The following SORCS3 variants were observed in gnomAD, a reference collection of about 807,000 sequenced individuals.
The protein encoded by SORCS3 is sortilin related VPS10 domain containing receptor 3.
Under a neutral mutation model 146.3 loss-of-function variants are expected in SORCS3, and 57 were observed. The ratio of observed to expected loss-of-function variants is 0.39; its 90% CI spans 0.31 to 0.49. The LOEUF (loss-of-function observed/expected upper bound fraction) is 0.49, where lower values mean the gene tolerates loss of function less well. SORCS3 is among the 20% of genes least tolerant of loss of function. SORCS3 has a pLI of 0.92. For missense variants in SORCS3, 1,341 were observed against 1,575.5 expected (o/e 0.85, Z 2.52); for synonymous variants, 653 against 618.5 (o/e 1.06, Z -0.83).
intron 3 of SORCS3, among the ~76,000 whole-genome samples, chr10:104,966,319 G>A (rs1466338894): frequency 6.6e-6 from 1 of 152,072 alleles, no homozygotes; most frequent in African/African-American, 2.4e-5. Flanking sequence ...CTGTTTGTAT[G>A]GAAGTCAATA....
At chr10:104,974,583 G>A (rs936226169) in intron 3 of SORCS3, among the ~76,000 whole-genome samples, 5 of 152,020 alleles carry the variant, frequency 3.3e-5, no homozygotes, top group African/African-American at 4.8e-5. Flanking sequence ...TTGAGCCTAC[G>A]TGTGTCTCTA....
At chr10:104,966,433 A>C (rs952277061) in intron 3 of SORCS3, among the ~76,000 whole-genome samples, 1 of 152,220 alleles carries the variant, frequency 6.6e-6, no homozygotes, top group African/African-American at 2.4e-5. Flanking sequence ...TTCTTATTGA[A>C]CACTAACTTT....
chr10:105,263,358 A>G lies in SORCS3; in HGVS notation c.3653A>G (p.Asn1218Ser), dbSNP rs752017600. 1 of 1,614,006 alleles carries G rather than the reference A, an allele frequency of 6.2e-7. No individual in the cohort carries two copies. Among genetic ancestry groups the G allele is most frequent in the Non-Finnish European group, 8.5e-7 (1 of 1,179,940 alleles). ...AGCGAAAGCACAAAGGAGATCCCCA[A>G]CTGCACTAGTGTTTAATACCAGCAA... The part of the protein sequence containing the change: ...ANSESTKEIP[N>S]CTSV The change falls in exon 27 of 27, where the codon AAC becomes AGC. Residue 1218 changes from asparagine (N) to serine (S), a missense_variant. By Grantham distance (46) the Asn-to-Ser change is conservative. Coordinates refer to ENST00000369701, the MANE Select transcript of SORCS3 (RefSeq NM_014978.3).
intron 3 of SORCS3, among the ~76,000 whole-genome samples, chr10:104,958,616 G>A (rs543566474): frequency 6.6e-6 from 1 of 152,178 alleles, no homozygotes; most frequent in Non-Finnish European, 1.5e-5. Flanking sequence ...GGGGCCAGGA[G>A]CCAAGGAAAG....
intron 7 of SORCS3, among the ~76,000 whole-genome samples, chr10:105,130,449 A>G (rs1426700917): frequency 6.6e-6 from 1 of 152,046 alleles, no homozygotes; most frequent in African/African-American, 2.4e-5. Context: ...CCATACTAGC[A>G]TTAACAAAAG....
intron 2 of SORCS3, among the ~76,000 whole-genome samples, chr10:104,847,112 A>G (rs1435937124): frequency 1.3e-5 from 2 of 152,174 alleles, no homozygotes; most frequent in African/African-American, 2.4e-5. Context: ...CATATGGTGC[A>G]TGCTTTGGTG....
At chr10:104,771,078 G>A (rs1224120333) in intron 1 of SORCS3, among the ~76,000 whole-genome samples, 2 of 152,190 alleles carry the variant, frequency 1.3e-5, no homozygotes, top group Non-Finnish European at 2.9e-5. Context: ...CACGTGGGCT[G>A]ATGGTTGCCA....
At chr10:104,677,595 A>C (rs568160353) in intron 1 of SORCS3, among the ~76,000 whole-genome samples, 78 of 152,216 alleles carry the variant, frequency 5.1e-4, no homozygotes, top group Non-Finnish European at 9.7e-4. Flanking sequence ...AAGTTGCCTG[A>C]GGCCTCCTGA....
intron 3 of SORCS3, among the ~76,000 whole-genome samples, chr10:104,952,079 A>G (rs1257806322): frequency 6.6e-6 from 1 of 150,856 alleles, no homozygotes; most frequent in Admixed American, 6.7e-5. Context: ...TCCGTCTCCT[A>G]CACCAGTGGT....
At chr10:104,839,759 C>T (rs76785532) in intron 1 of SORCS3, among the ~76,000 whole-genome samples, 6,394 of 152,076 alleles carry the variant, frequency 0.042, 201 homozygotes, top group Middle Eastern at 0.092. Context: ...AAGAAGCAGA[C>T]GTAAAGATGA....
chr10:104,948,125 A>G (rs2019392436), intron 3 of SORCS3, among the ~76,000 whole-genome samples: 1 of 152,042 alleles, frequency 6.6e-6, no homozygotes, highest in Non-Finnish European at 1.5e-5. Flanking sequence ...CATATTGTCC[A>G]CCTCTTCTGC....
chr10:104,699,408 A>G (rs2016254428), intron 1 of SORCS3, among the ~76,000 whole-genome samples: 1 of 152,196 alleles, frequency 6.6e-6, no homozygotes, highest in African/African-American at 2.4e-5. Context: ...CCAAACAGCA[A>G]ACAAGTATGA....
intron 1 of SORCS3, among the ~76,000 whole-genome samples, chr10:104,793,644 C>G (rs2017518570): frequency 6.6e-6 from 1 of 152,138 alleles, no homozygotes; most frequent in African/African-American, 2.4e-5. Flanking sequence ...GTATTTTTCT[C>G]TACATGCTGG....
intron 2 of SORCS3, among the ~76,000 whole-genome samples, chr10:104,893,089 CAT>C (rs1375054294): frequency 1.3e-5 from 2 of 152,140 alleles, no homozygotes; most frequent in African/African-American, 4.8e-5. Flanking sequence ...CATTGTGCGT[CAT>C]AGTTTCAGGT....
chr10:105,012,751 A>G (rs2055142650), intron 4 of SORCS3, among the ~76,000 whole-genome samples: 1 of 152,192 alleles, frequency 6.6e-6, no homozygotes, highest in South Asian at 2.1e-4. Flanking sequence ...ATAGATGCCT[A>G]GTGGACACTA....
At chr10:104,840,977 T>C (rs572698257) in intron 1 of SORCS3, among the ~76,000 whole-genome samples, 2 of 152,170 alleles carry the variant, frequency 1.3e-5, no homozygotes, top group Non-Finnish European at 2.9e-5. Context: ...CCTCCCATGC[T>C]TTTACACGGT....
At chr10:105,192,846 T>C (rs1362678567) in intron 14 of SORCS3, among the ~76,000 whole-genome samples, 1 of 152,154 alleles carries the variant, frequency 6.6e-6, no homozygotes, top group Non-Finnish European at 1.5e-5. Flanking sequence ...GTTGGCATAA[T>C]TGGGAGGCTA....
intron 1 of SORCS3, among the ~76,000 whole-genome samples, chr10:104,724,938 G>A (rs1311724715): frequency 2.6e-5 from 4 of 152,104 alleles, no homozygotes; most frequent in Admixed American, 6.5e-5. Context: ...CCTTTAGCTC[G>A]GAGTAGTTTG....
chr10:104,988,768 T>C (rs1210925003), intron 4 of SORCS3, among the ~76,000 whole-genome samples: 1 of 152,234 alleles, frequency 6.6e-6, no homozygotes. Flanking sequence ...ATATAGTGTT[T>C]GTTCAATTTG....
Sources: gnomAD v4.1 joint callset for allele counts (sites outside exome capture counted in the v4.1 genomes callset) on GRCh38, gnomAD v4.1.1 for gene constraint, MANE v1.5 for transcripts, NCBI Gene and HGNC (gene_info 2026-07-23, HGNC 2026-07-21) for gene names.